Variants in TEAD1 observed in about 807,000 individuals in gnomAD.
TEAD1 encodes TEA domain transcription factor 1, also known as transcriptional enhancer factor TEF-1.
Under a neutral mutation model 54.9 loss-of-function variants are expected in TEAD1, and 9 were observed. That is an observed-to-expected ratio of 0.16 (90% CI 0.10 to 0.29). The LOEUF is 0.29. Ranked by LOEUF, TEAD1 falls within the 10% of genes least tolerant of loss-of-function variation. The pLI, the probability that TEAD1 is intolerant of heterozygous loss-of-function variation, is 1.00. For missense variants in TEAD1, 387 were observed against 535.9 expected (o/e 0.72, Z 2.74); for synonymous variants, 200 against 187.8 (o/e 1.07, Z -0.53).
chr11:12,790,472 A>G (rs1945776011), intron 3 of TEAD1, among the ~76,000 whole-genome samples: 2 of 152,212 alleles, frequency 1.3e-5, no homozygotes, highest in African/African-American at 4.8e-5. Flanking sequence ...GTAAAATGGG[A>G]ATGATAGGAC....
chr11:12,716,515 G>A (rs890722717), intron 2 of TEAD1, among the ~76,000 whole-genome samples: 6 of 152,164 alleles, frequency 3.9e-5, no homozygotes, highest in Non-Finnish European at 4.4e-5. Flanking sequence ...TTTTAGCAGT[G>A]TCCTGGCACT....
Position 12,705,619 on chromosome 11 carries a change from A to G in TEAD1, c.-55+30058A>G, listed in dbSNP as rs1943797314. On this transcript the variant is annotated intron_variant, in intron 2 of 12. Coordinates refer to ENST00000527636, the MANE Select transcript of TEAD1 (RefSeq NM_021961.6). Reference sequence around the variant, plus strand: ...TATCTTACATTGTGAACACAATGGCAGGTAAGATTGCAGGAATGATGGTTT... The same window carrying G: ...TATCTTACATTGTGAACACAATGGCGGGTAAGATTGCAGGAATGATGGTTT... Among the ~76,000 whole-genome samples the G allele has an allele frequency of 2.0e-5, 3 of 152,206 alleles. No individual in the cohort carries two copies. In the South Asian group the frequency reaches 6.2e-4, roughly 32 times the overall value.
At chr11:12,685,590 G>C (rs1943315388) in intron 2 of TEAD1, among the ~76,000 whole-genome samples, 1 of 152,152 alleles carries the variant, frequency 6.6e-6, no homozygotes, top group African/African-American at 2.4e-5. Context: ...TGGTTTTAGA[G>C]AGGAGCCAGG....
At chr11:12,930,429 T>G in intron 12 of TEAD1, 103 bp downstream of exon 12, 2 of 1,427,450 alleles carry the variant, frequency 1.4e-6, no homozygotes, top group Non-Finnish European at 2.0e-6. Context: ...CCGAGGGAAC[T>G]GACCAGGTTG....
intron 2 of TEAD1, among the ~76,000 whole-genome samples, chr11:12,729,111 G>C (rs988260758): frequency 6.6e-6 from 1 of 152,210 alleles, no homozygotes; most frequent in Non-Finnish European, 1.5e-5. Flanking sequence ...ACAGGACTTG[G>C]TGCCTGGAAA....
At chr11:12,774,380 C>T (rs112579448) in intron 3 of TEAD1, among the ~76,000 whole-genome samples, 10 of 152,032 alleles carry the variant, frequency 6.6e-5, no homozygotes, top group Non-Finnish European at 7.4e-5. Context: ...AAGAAGGTAC[C>T]GAAGTAAACC....
chr11:12,921,774 C>G (rs1201919767), intron 10 of TEAD1, among the ~76,000 whole-genome samples: 1 of 152,054 alleles, frequency 6.6e-6, no homozygotes, highest in East Asian at 1.9e-4. Context: ...CCCCTCTGCC[C>G]TGGAGACTGG....
At chr11:12,889,691 T>G (rs1948158388) in intron 9 of TEAD1, among the ~76,000 whole-genome samples, 2 of 152,144 alleles carry the variant, frequency 1.3e-5, no homozygotes, top group African/African-American at 2.4e-5. Flanking sequence ...AAGGCACACG[T>G]TTGCTCAACA....
At chr11:12,906,505 G>A (rs905822581) in intron 10 of TEAD1, among the ~76,000 whole-genome samples, 2 of 148,894 alleles carry the variant, frequency 1.3e-5, no homozygotes, top group Non-Finnish European at 3.0e-5. Flanking sequence ...TCACGCCACT[G>A]CACTCTAGCC....
intron 3 of TEAD1, among the ~76,000 whole-genome samples, chr11:12,847,588 T>C (rs1947180519): frequency 6.6e-6 from 1 of 151,946 alleles, no homozygotes; most frequent in Non-Finnish European, 1.5e-5. Context: ...GTGTAGAGAG[T>C]GGCAGGAGAA....
intron 10 of TEAD1, among the ~76,000 whole-genome samples, chr11:12,908,670 A>G (rs967245464): frequency 1.3e-5 from 2 of 152,212 alleles, no homozygotes; most frequent in Non-Finnish European, 2.9e-5. Flanking sequence ...AGGAGAAAGC[A>G]GTGTTGTTTT....
intron 2 of TEAD1, among the ~76,000 whole-genome samples, chr11:12,710,743 A>G (rs950662966): frequency 1.3e-5 from 2 of 152,164 alleles, no homozygotes; most frequent in African/African-American, 2.4e-5. Context: ...AGAAATAGAC[A>G]TGTCATGAAG....
At chr11:12,877,686 A>C (rs1589950884) in intron 5 of TEAD1, among the ~76,000 whole-genome samples, 1 of 150,978 alleles carries the variant, frequency 6.6e-6, no homozygotes, top group African/African-American at 2.4e-5. Flanking sequence ...AAATTAATGG[A>C]AGTGTTAGGC....
chr11:12,841,515 G>A (rs1947040957), intron 3 of TEAD1, among the ~76,000 whole-genome samples: 1 of 152,194 alleles, frequency 6.6e-6, no homozygotes, highest in African/African-American at 2.4e-5. Context: ...TTCTTGGAGG[G>A]GTTGGTTTAG....
In TEAD1 at chr11:12,940,772, A is replaced by G. The variant is rs1314413704; in HGVS notation, c.*3550A>G. On this transcript the variant is annotated 3_prime_UTR_variant, in exon 13 of 13. Transcript: ENST00000527636. ...TCGTGGGTCTCATTATCAAACCTTT[A>G]CTTATTTCGGCATATTTCCTCTGGG... 1 of 151,992 alleles carries G rather than the reference A, an allele frequency of 6.6e-6. No individual in the cohort carries two copies. The allele number at this position is 151,992 out of a possible 1,614,324, so 9.4% of individuals were successfully genotyped here.
intron 5 of TEAD1, among the ~76,000 whole-genome samples, chr11:12,869,479 C>T (rs1947694487): frequency 6.6e-6 from 1 of 152,104 alleles, no homozygotes; most frequent in African/African-American, 2.4e-5. Flanking sequence ...GTGTTGTGTG[C>T]CAGAACTTTT....
At chr11:12,918,946 A>C (rs1589989149) in intron 10 of TEAD1, among the ~76,000 whole-genome samples, 1 of 152,354 alleles carries the variant, frequency 6.6e-6, no homozygotes, top group Non-Finnish European at 1.5e-5. Context: ...GTGATGTTTC[A>C]GGATCATGGT....
intron 3 of TEAD1, among the ~76,000 whole-genome samples, chr11:12,792,556 C>G (rs905262268): frequency 2.6e-5 from 4 of 152,140 alleles, no homozygotes; most frequent in African/African-American, 9.7e-5. Flanking sequence ...CATTGTCCTA[C>G]TAGTAGAAGT....
chr11:12,706,948 C>T (rs1188282938), intron 2 of TEAD1, among the ~76,000 whole-genome samples: 4 of 152,100 alleles, frequency 2.6e-5, no homozygotes, highest in Non-Finnish European at 5.9e-5. Context: ...GGCCCAAGGG[C>T]ATCTCCTGAC....
Sources: gnomAD v4.1 joint callset for allele counts (sites outside exome capture counted in the v4.1 genomes callset) on GRCh38, gnomAD v4.1.1 for gene constraint, MANE v1.5 for transcripts, NCBI Gene and HGNC (gene_info 2026-07-23, HGNC 2026-07-21) for gene names.